Variants in NUP42 observed in about 807,000 individuals in gnomAD.
The protein encoded by NUP42 is nucleoporin NUP42.
In NUP42, 47 loss-of-function variants were observed where a neutral mutation model predicts 35.9. That is an observed-to-expected ratio of 1.31 (90% confidence interval 1.04 to 1.67). The LOEUF is 1.67. Ranked by LOEUF, NUP42 falls within the 40% of genes most tolerant of loss-of-function variation. The pLI is 0.00. For synonymous variants in NUP42, 173 were observed against 173.3 expected (o/e 1.00, Z 0.01); for missense variants, 514 against 492.2 (o/e 1.04, Z -0.42).
At chr7:23,185,383 C>A in intron 2 of NUP42, 85 bp downstream of exon 2, 2 of 866,242 alleles carry the variant, frequency 2.3e-6, no homozygotes, top group Non-Finnish European at 1.8e-6. Context: ...TTTTTTGTAA[C>A]ATCTTTTCAC....
In NUP42 at chr7:23,200,154, G is replaced by A. The variant is rs1051046213; in HGVS notation, c.695-14G>A. ...GATTTTTGTTGTTTTTTTTGTTGTT[G>A]TTGTTGTTTGTAGGCTTTCCAGTCA... On this transcript the variant is annotated splice_polypyrimidine_tract_variant and intron_variant, in intron 6 of 6. Transcript: ENST00000258742. 7.4e-6 allele frequency: 11 copies of A among 1,491,668 alleles called. No homozygotes were observed. Among genetic ancestry groups the A allele is most frequent in the Non-Finnish European group, 9.0e-6 (10 of 1,109,170 alleles). 92.4% of individuals were successfully genotyped at this position (1,491,668 alleles called of 1,614,324 possible).
chr7:23,182,076 C>T lies in NUP42; in HGVS notation c.-10C>T, dbSNP rs1247639785. 2 of 1,613,530 alleles carry T rather than the reference C, an allele frequency of 1.2e-6. No homozygotes were observed. Among genetic ancestry groups the T allele is most frequent in the Non-Finnish European group, 1.7e-6 (2 of 1,179,988 alleles). On this transcript the variant is annotated 5_prime_UTR_variant, in exon 1 of 7. In the 5' UTR this introduces an upstream ATG that the reference lacks. Coordinates refer to ENST00000258742, the MANE Select transcript of NUP42 (RefSeq NM_007342.3). The stretch of plus-strand genomic sequence containing the variant: ...GACTGAAGACGCCCTCCGTCAGCGA[C>T]GCCGTCGCAATGGCCATTTGTCAAT...
chr7:23,192,544 C>T (rs1340607130), intron 3 of NUP42, among the ~76,000 whole-genome samples: 1 of 113,328 alleles, frequency 8.8e-6, no homozygotes, highest in African/African-American at 4.2e-5. Context: ...AAGACTTCAT[C>T]TCAAAAAAAA....
intron 6 of NUP42, 46 bp from the exon 7 acceptor site, chr7:23,200,122 C>A: frequency 5.5e-6 from 7 of 1,280,208 alleles, no homozygotes; most frequent in South Asian, 1.6e-5. Flanking sequence ...TTTTTCTGAC[C>A]GTAATAGATT....
chr7:23,189,675 G>A lies in NUP42; in HGVS notation c.445+2529G>A, dbSNP rs185610106. On this transcript the variant is annotated intron_variant, in intron 3 of 6. Coordinates refer to ENST00000258742, the MANE Select transcript of NUP42 (RefSeq NM_007342.3). ...CACCTGTAATCCCAGCACTTTGGGA[G>A]GCCGAGGTGGGTGGATCATGAGGTC... 3.6e-4 allele frequency among the ~76,000 whole-genome samples: 55 copies of A among 151,768 alleles called. No homozygotes were observed. In the East Asian group the frequency reaches 9.4e-3, roughly 26 times the overall value.
chr7:23,185,945 G>A lies in NUP42; in HGVS notation c.350+647G>A, dbSNP rs1473002476. On this transcript the variant is annotated intron_variant, in intron 2 of 6. Transcript: ENST00000258742. ...AGTAGAGATAGGGTTTTACCATGTT[G>A]GCCAGGCTGGTCTTGAACTCTTGAC... Among the ~76,000 whole-genome samples, 3 of 151,466 alleles carry A rather than the reference G, an allele frequency of 2.0e-5. 1 individual carries two copies. In the East Asian group the frequency reaches 5.8e-4, roughly 29 times the overall value.
At chr7:23,197,153 A>G (rs1251175009) in intron 5 of NUP42, 3 of 1,220,900 alleles carry the variant, frequency 2.5e-6, no homozygotes, top group East Asian at 5.6e-5. Flanking sequence ...AGAACACAGT[A>G]TGTTCCTTGT....
intron 3 of NUP42, among the ~76,000 whole-genome samples, chr7:23,192,546 C>CA (rs200047613): frequency 0.087 from 5,627 of 64,828 alleles, 480 homozygotes; most frequent in African/African-American, 0.24. Flanking sequence ...GACTTCATCT[C>CA]AAAAAAAAAA....
intron 5 of NUP42, 114 bp downstream of exon 5, chr7:23,196,880 T>A: frequency 2.9e-6 from 2 of 700,614 alleles, no homozygotes; most frequent in South Asian, 1.6e-5. Flanking sequence ...AGAATTATGA[T>A]ACACACATTC....
intron 1 of NUP42, 43 bp downstream of exon 1, chr7:23,182,249 G>A: frequency 6.4e-7 from 1 of 1,564,006 alleles, no homozygotes; most frequent in Non-Finnish European, 8.7e-7. Flanking sequence ...AGCCGGGAAG[G>A]GTCCGCCGGC....
chr7:23,197,253 T>G (rs1163739510), intron 5 of NUP42: 3 of 1,275,190 alleles, frequency 2.4e-6, no homozygotes, highest in Non-Finnish European at 2.1e-6. Flanking sequence ...TCTTTGTAAA[T>G]AAAGTTATGA....
chr7:23,192,506 C>T (rs2128473900), intron 3 of NUP42, among the ~76,000 whole-genome samples: 1 of 143,936 alleles, frequency 6.9e-6, no homozygotes. Context: ...GAGATGATGC[C>T]ACTGCACTCC....
intron 3 of NUP42, chr7:23,187,920 C>T: frequency 1.9e-6 from 1 of 538,004 alleles, no homozygotes. Flanking sequence ...ATAGCATTTG[C>T]TTTAGAATAT....
chr7:23,195,451 A>ATATAT (rs1785979605), intron 3 of NUP42: 1 of 156,660 alleles, frequency 6.4e-6, no homozygotes, highest in African/African-American at 2.4e-5. Context: ...TTAGGGCATT[A>ATATAT]GTTCTTCTCT....
intron 5 of NUP42, chr7:23,197,241 T>A: frequency 7.7e-7 from 1 of 1,291,272 alleles, no homozygotes; most frequent in Non-Finnish European, 1.0e-6. Context: ...GCAAGTTCAT[T>A]ATCTTTGTAA....
intron 3 of NUP42, among the ~76,000 whole-genome samples, chr7:23,192,989 T>C (rs1785857020): frequency 6.6e-6 from 1 of 151,768 alleles, no homozygotes; most frequent in East Asian, 1.9e-4. Context: ...GTGTTCGGAG[T>C]TTATTCCTTC....
rs762409900 is a variant in NUP42, at chr7:23,196,695, C to T, written c.538C>T (p.Arg180Cys). Reference protein sequence around the residue: ...NLQSYLNSVQRLINQWRNRVN... With the variant: ...NLQSYLNSVQCLINQWRNRVN... ...CCGTTTTCAGCTAAATTCTGTCCAA[C>T]GTTTAATAAATCAATGGAGGAACAG... Residue 180 changes from arginine to cysteine, a missense_variant, in exon 5 of 7, where the codon CGT becomes TGT. By Grantham distance (180) the Arg-to-Cys change is radical. Coordinates refer to ENST00000258742, the MANE Select transcript of NUP42 (RefSeq NM_007342.3). 5 of 1,610,098 alleles carry T rather than the reference C, an allele frequency of 3.1e-6. No homozygotes were observed. Among genetic ancestry groups the T allele is most frequent in the Admixed American group, 3.3e-5 (2 of 59,896 alleles).
intron 1 of NUP42, 116 bp downstream of exon 1, chr7:23,182,322 T>TTGCCGGCCCTACTGGGCCC: frequency 6.7e-7 from 1 of 1,491,174 alleles, no homozygotes; most frequent in Non-Finnish European, 8.9e-7. Flanking sequence ...CGTCGCGGCC[T>TTGCCGGCCCTACTGGGCCC]TGCCGGCCCT....
At chr7:23,185,419 AAAT>A in intron 2 of NUP42, 121 bp downstream of exon 2, 1 of 714,166 alleles carries the variant, frequency 1.4e-6, no homozygotes, top group South Asian at 2.0e-5. Flanking sequence ...TTAAAAAAAG[AAAT>A]AATGCATTAT....
Sources: gnomAD v4.1 joint callset for allele counts (sites outside exome capture counted in the v4.1 genomes callset) on GRCh38, gnomAD v4.1.1 for gene constraint, MANE v1.5 for transcripts, NCBI Gene and HGNC (gene_info 2026-07-23, HGNC 2026-07-21) for gene names.